Variants in DRAM1 observed in about 807,000 individuals in gnomAD.
DRAM1 encodes the protein DNA damage-regulated autophagy modulator protein 1.
Under a neutral mutation model 28.5 loss-of-function variants are expected in DRAM1, and 25 were observed. The ratio of observed to expected loss-of-function variants is 0.88; its 90% CI spans 0.64 to 1.23. The LOEUF (loss-of-function observed/expected upper bound fraction) is 1.23. Among genes scored for constraint, DRAM1 ranks in the 50% most tolerant of loss-of-function variants. The pLI is 0.00. For synonymous variants in DRAM1, 113 were observed against 114.2 expected (o/e 0.99, Z 0.07); for missense variants, 249 against 299.2 (o/e 0.83, Z 1.24).
intron 1 of DRAM1, among the ~76,000 whole-genome samples, chr12:101,881,039 G>C (rs1331506187): frequency 6.6e-6 from 1 of 152,150 alleles, no homozygotes; most frequent in Non-Finnish European, 1.5e-5. Flanking sequence ...CCCGCTCCTA[G>C]AAAACAAGTC....
chr12:101,902,160 A>G (rs61935247), intron 3 of DRAM1, among the ~76,000 whole-genome samples: 13,392 of 152,268 alleles, frequency 0.088, 712 homozygotes, highest in Middle Eastern at 0.18. Context: ...GACAGTATGC[A>G]TTTTGTTTTT....
chr12:101,898,133 A>T (rs1594300472), intron 2 of DRAM1, among the ~76,000 whole-genome samples: 1 of 151,932 alleles, frequency 6.6e-6, no homozygotes, highest in Non-Finnish European at 1.5e-5. Context: ...CAGTCCTCCC[A>T]CCTCAGCCTC....
At chr12:101,909,022 G>A (rs1241136273) in intron 4 of DRAM1, among the ~76,000 whole-genome samples, 1 of 151,970 alleles carries the variant, frequency 6.6e-6, no homozygotes, top group African/African-American at 2.4e-5. Flanking sequence ...AGCACTTTGG[G>A]AGGCTCAGGT....
At chr12:101,917,292 G>A (rs1041696625) in intron 5 of DRAM1, among the ~76,000 whole-genome samples, 1 of 152,218 alleles carries the variant, frequency 6.6e-6, no homozygotes, top group Non-Finnish European at 1.5e-5. Context: ...GGAGACAGCA[G>A]GATTTCCCAA....
intron 5 of DRAM1, among the ~76,000 whole-genome samples, chr12:101,917,404 T>G (rs2121169223): frequency 6.6e-6 from 1 of 152,254 alleles, no homozygotes; most frequent in South Asian, 2.1e-4. Context: ...AAAGTGCTTC[T>G]TGGCCGGGTG....
intron 1 of DRAM1, among the ~76,000 whole-genome samples, chr12:101,892,877 A>G (rs921070353): frequency 6.6e-6 from 1 of 152,206 alleles, no homozygotes; most frequent in Admixed American, 6.5e-5. Context: ...AGTAAATTCT[A>G]TAGCTATCTG....
intron 4 of DRAM1, 27 bp from the exon 5 acceptor site, chr12:101,914,147 G>A (rs774390362): frequency 6.5e-7 from 1 of 1,548,078 alleles, no homozygotes; most frequent in Non-Finnish European, 8.8e-7. Flanking sequence ...GTGTGCTGTA[G>A]TTTCCTTAAC....
Position 101,897,845 on chromosome 12 carries a change from A to T in DRAM1, c.132-18A>T, listed in dbSNP as rs779998811. 6.3e-7 allele frequency: 1 copy of T among 1,592,154 alleles called. No homozygotes were observed. The highest frequency in any genetic ancestry group is 8.6e-7 in the Non-Finnish European group (1 of 1,162,352). On this transcript the variant is annotated intron_variant, in intron 1 of 6. Coordinates refer to ENST00000258534, the MANE Select transcript of DRAM1 (RefSeq NM_018370.3). ...AGAATTTCTTTCTAATAATTTGGAC[A>T]TTTCTTCCCTTTGCCAGTGATACGG... is the stretch of plus-strand genomic sequence containing the variant.
At chr12:101,907,531 G>A (rs757469471) in intron 3 of DRAM1, among the ~76,000 whole-genome samples, 4 of 152,090 alleles carry the variant, frequency 2.6e-5, no homozygotes, top group Admixed American at 6.5e-5. Flanking sequence ...ACGAGATCAG[G>A]AGTTCGAGAC....
chr12:101,878,736 A>C lies in DRAM1; in HGVS notation c.131+816A>C, dbSNP rs76477352. Among the ~76,000 whole-genome samples, 356 of 152,234 alleles carry C rather than the reference A, an allele frequency of 2.3e-3. 4 individuals carry two copies. Among genetic ancestry groups the C allele is most frequent in the East Asian group, 0.022 (113 of 5,184 alleles). On this transcript the variant is annotated intron_variant, in intron 1 of 6. Coordinates refer to ENST00000258534, the MANE Select transcript of DRAM1 (RefSeq NM_018370.3). ...GATTCTTTAAACGTTAGAACCATCC[A>C]TCCTTATCTAAGTAGTGTGACCCCT...
chr12:101,904,380 C>T (rs1380007663), intron 3 of DRAM1, among the ~76,000 whole-genome samples: 3 of 95,904 alleles, frequency 3.1e-5, no homozygotes, highest in Admixed American at 1.0e-4. Flanking sequence ...TGTCAGTATT[C>T]ACATATTCTT....
At chr12:101,911,632 G>A (rs1874043968) in intron 4 of DRAM1, among the ~76,000 whole-genome samples, 1 of 152,178 alleles carries the variant, frequency 6.6e-6, no homozygotes, top group South Asian at 2.1e-4. Context: ...GTACCCACAT[G>A]TGGCTTTTGC....
rs1322299812 is a variant in DRAM1 at position 101,921,665 on chromosome 12, A to G, written c.*405A>G. On this transcript the variant is annotated 3_prime_UTR_variant, in exon 7 of 7. Transcript: ENST00000258534. Reference sequence around the variant, plus strand: ...TTATTACAAAGTGAAATCAGGGGATATTCATTTGTAAATTTTATTCTTAGT... The same window carrying G: ...TTATTACAAAGTGAAATCAGGGGATGTTCATTTGTAAATTTTATTCTTAGT... The G allele has an allele frequency of 6.4e-6, 1 of 155,460 alleles. No individual in the cohort carries two copies. Among genetic ancestry groups the G allele is most frequent in the Non-Finnish European group, 1.4e-5 (1 of 70,324 alleles). 9.6% of individuals were successfully genotyped at this position (155,460 alleles called of 1,614,324 possible). A position where few individuals can be genotyped will look rare whatever the true frequency, so the allele number is the denominator to read the frequency against.
chr12:101,891,330 C>T (rs925859648), intron 1 of DRAM1, among the ~76,000 whole-genome samples: 2 of 152,134 alleles, frequency 1.3e-5, no homozygotes, highest in African/African-American at 4.8e-5. Context: ...CATGATGTTG[C>T]ATTTTGTTAG....
intron 6 of DRAM1, 53 bp from the exon 7 acceptor site, chr12:101,921,163 C>A: frequency 7.7e-7 from 1 of 1,290,486 alleles, no homozygotes; most frequent in South Asian, 1.2e-5. Context: ...TCATTGTCAA[C>A]GCTGGGATTG....
chr12:101,890,777 G>A (rs1290004753), intron 1 of DRAM1, among the ~76,000 whole-genome samples: 1 of 135,916 alleles, frequency 7.4e-6, no homozygotes, highest in Non-Finnish European at 1.5e-5. Context: ...TTGAGTCGGC[G>A]TCTTGCTCTG....
intron 6 of DRAM1, among the ~76,000 whole-genome samples, chr12:101,920,629 A>G (rs1249054024): frequency 1.3e-5 from 2 of 152,198 alleles, no homozygotes; most frequent in Non-Finnish European, 1.5e-5. Flanking sequence ...AAATAAAAGT[A>G]TGCCAGGTGT....
chr12:101,897,484 A>G (rs1018367281), intron 1 of DRAM1, among the ~76,000 whole-genome samples: 7 of 151,874 alleles, frequency 4.6e-5, no homozygotes, highest in African/African-American at 1.4e-4. Context: ...TACAGGTGTG[A>G]GCCGCTGCAC....
At chr12:101,879,989 C>CA (rs1178417535) in intron 1 of DRAM1, among the ~76,000 whole-genome samples, 18 of 143,214 alleles carry the variant, frequency 1.3e-4, no homozygotes, top group South Asian at 4.3e-4. Context: ...GACTCCATCT[C>CA]AGAAAAAAAA....
Sources: gnomAD v4.1 joint callset for allele counts (sites outside exome capture counted in the v4.1 genomes callset) on GRCh38, gnomAD v4.1.1 for gene constraint, MANE v1.5 for transcripts, NCBI Gene and HGNC (gene_info 2026-07-23, HGNC 2026-07-21) for gene names.